ARMC8: variants seen among roughly 807,000 people sequenced by gnomAD.
ARMC8 encodes the protein armadillo repeat containing 8.
A neutral mutation model predicts 99.3 loss-of-function variants in ARMC8; 20 were observed. The ratio of observed to expected loss-of-function variants is 0.20; its 90% CI spans 0.14 to 0.29. ARMC8 has a LOEUF of 0.29. Ranked by LOEUF, ARMC8 falls within the 10% of genes least tolerant of loss-of-function variation. ARMC8 has a pLI of 1.00. For missense variants in ARMC8, 569 were observed against 809.5 expected, an observed-to-expected ratio of 0.70 and a Z score of 3.60; for synonymous variants, 263 against 278.3, an observed-to-expected ratio of 0.95 and a Z score of 0.55.
intron 18 of ARMC8, among the ~76,000 whole-genome samples, chr3:138,282,586 C>T (rs902424562): frequency 2.9e-5 from 4 of 139,052 alleles, no homozygotes; most frequent in Non-Finnish European, 4.5e-5. Context: ...GCAGAGGTTG[C>T]GGTGAGCCCA....
At chr3:138,275,631 A>G (rs2049214170) in intron 18 of ARMC8, among the ~76,000 whole-genome samples, 1 of 151,978 alleles carries the variant, frequency 6.6e-6, no homozygotes, top group Admixed American at 6.5e-5. Flanking sequence ...CAAGGTCATC[A>G]GTAGAGAGTT....
At chr3:138,213,787 A>C (rs1319935704) in intron 2 of ARMC8, among the ~76,000 whole-genome samples, 2 of 152,224 alleles carry the variant, frequency 1.3e-5, no homozygotes, top group Non-Finnish European at 1.5e-5. Context: ...AAAGCTACTT[A>C]AACAGTTTTG....
At chr3:138,265,596 A>G (rs1384986780) in intron 14 of ARMC8, among the ~76,000 whole-genome samples, 1 of 152,204 alleles carries the variant, frequency 6.6e-6, no homozygotes, top group Non-Finnish European at 1.5e-5. Context: ...TTCAGGCAGG[A>G]AGAATATAAA....
chr3:138,213,173 A>G (rs78704143), intron 2 of ARMC8, among the ~76,000 whole-genome samples: 5,310 of 152,312 alleles, frequency 0.035, 101 homozygotes, highest in Middle Eastern at 0.075. Flanking sequence ...AAGATGAATA[A>G]TGATTCTTCA....
intron 12 of ARMC8, chr3:138,245,797 A>G: frequency 1.0e-6 from 1 of 986,106 alleles, no homozygotes; most frequent in South Asian, 4.7e-5. Context: ...CATGTTCTTG[A>G]TGAGAATACT....
chr3:138,194,517 T>G (rs2043594632), intron 1 of ARMC8, among the ~76,000 whole-genome samples: 1 of 150,454 alleles, frequency 6.6e-6, no homozygotes, highest in South Asian at 2.1e-4. Context: ...TTTTTGTATT[T>G]TTAGTAGAGA....
chr3:138,242,126 T>C (rs866970667), intron 11 of ARMC8, 143 bp downstream of exon 11: 4 of 684,034 alleles, frequency 5.8e-6, no homozygotes, highest in African/African-American at 3.6e-5. Context: ...ATAGATAATA[T>C]TGCTTTGTGA....
intron 6 of ARMC8, 38 bp downstream of exon 6, chr3:138,229,048 C>A (rs1232511150): frequency 8.3e-6 from 12 of 1,452,340 alleles, no homozygotes; most frequent in Non-Finnish European, 1.0e-5. Flanking sequence ...AATGTAAAAT[C>A]TTATTATGCC....
intron 1 of ARMC8, 182 bp downstream of exon 1, chr3:138,187,781 C>T: frequency 1.6e-6 from 1 of 640,050 alleles, no homozygotes; most frequent in Non-Finnish European, 2.6e-6. Context: ...GGACCGCGGC[C>T]GAGCCAAAGA....
At chr3:138,295,666 A>T (rs1019975033) in intron 21 of ARMC8, among the ~76,000 whole-genome samples, 193 bp from the exon 22 acceptor site, 1 of 152,256 alleles carries the variant, frequency 6.6e-6, no homozygotes, top group Non-Finnish European at 1.5e-5. Context: ...AGAAGAATAT[A>T]GCCAGAGTAG....
In ARMC8 at chr3:138,228,911, T is replaced by G; in HGVS notation, c.436-7T>G. 2 of 1,594,170 alleles carry G rather than the reference T, an allele frequency of 1.3e-6. 1 individual carries two copies. ...GAGTTTCTTGTTGCTGTGTTCTCCTTCCCTAGGATGCCACAGTGATACCAC... is the reference window on the plus strand; with the variant it reads ...GAGTTTCTTGTTGCTGTGTTCTCCTGCCCTAGGATGCCACAGTGATACCAC... On this transcript the variant is annotated splice_region_variant and splice_polypyrimidine_tract_variant and intron_variant, in intron 5 of 21. Coordinates refer to ENST00000469044, the MANE Select transcript of ARMC8 (RefSeq NM_001363941.2).
intron 12 of ARMC8, 57 bp downstream of exon 12, chr3:138,245,240 G>A (rs762230819): frequency 6.8e-6 from 11 of 1,614,132 alleles, no homozygotes; most frequent in Middle Eastern, 1.6e-4. Flanking sequence ...AGGGAGTGAC[G>A]TCAACCTGAA....
rs6794699 is a variant in ARMC8 at position 138,242,226 on chromosome 3, A to G, written c.1038+243A>G. 5.9e-3 allele frequency among the ~76,000 whole-genome samples: 900 copies of G among 152,280 alleles called. 7 individuals carry two copies. The highest frequency in any genetic ancestry group is 0.021 in the African/African-American group (862 of 41,558). ...AAGAAAATTGCATCCTAACTCCCCAACTAAACCTCAAAAGTAGTGGATTCT... is the reference window on the plus strand; with the variant it reads ...AAGAAAATTGCATCCTAACTCCCCAGCTAAACCTCAAAAGTAGTGGATTCT... On this transcript the variant is annotated intron_variant, in intron 11 of 21. Coordinates refer to ENST00000469044, the MANE Select transcript of ARMC8 (RefSeq NM_001363941.2).
intron 12 of ARMC8, chr3:138,262,364 T>C (rs1431003387): frequency 1.4e-6 from 1 of 732,326 alleles, no homozygotes. Context: ...AAACACCAGA[T>C]AAAAATTACC....
intron 5 of ARMC8, among the ~76,000 whole-genome samples, chr3:138,224,104 G>A (rs1309064273): frequency 6.6e-6 from 1 of 151,720 alleles, no homozygotes; most frequent in African/African-American, 2.4e-5. Flanking sequence ...GATTACAGGC[G>A]CGTGCCACCA....
intron 1 of ARMC8, among the ~76,000 whole-genome samples, chr3:138,196,458 C>T (rs2043742527): frequency 6.6e-6 from 1 of 152,100 alleles, no homozygotes; most frequent in Non-Finnish European, 1.5e-5. Flanking sequence ...ACCTGCTTTC[C>T]CAGGAGAACA....
intron 12 of ARMC8, among the ~76,000 whole-genome samples, chr3:138,247,295 A>G (rs892191113): frequency 6.6e-6 from 1 of 151,068 alleles, no homozygotes; most frequent in Non-Finnish European, 1.5e-5. Flanking sequence ...TACAATGTTT[A>G]TTGTTTGATT....
intron 1 of ARMC8, among the ~76,000 whole-genome samples, chr3:138,198,538 T>G (rs1020354369): frequency 6.6e-6 from 1 of 151,498 alleles, no homozygotes; most frequent in African/African-American, 2.4e-5. Context: ...TTGAGACAGA[T>G]TCTCACTCTT....
At chr3:138,288,885 C>A (rs1476345101) in intron 19 of ARMC8, 163 bp from the exon 20 acceptor site, 3 of 570,288 alleles carry the variant, frequency 5.3e-6, no homozygotes, top group African/African-American at 3.8e-5. Context: ...CTTCCACCTG[C>A]CTTGGTCTCC....
Sources: gnomAD v4.1 joint callset for allele counts (sites outside exome capture counted in the v4.1 genomes callset) on GRCh38, gnomAD v4.1.1 for gene constraint, MANE v1.5 for transcripts, NCBI Gene and HGNC (gene_info 2026-07-23, HGNC 2026-07-21) for gene names.